The following ZNF385D variants were observed in gnomAD, a reference collection of about 807,000 sequenced individuals.
ZNF385D encodes zinc finger protein 659.
In ZNF385D, 15 loss-of-function variants were observed where a neutral mutation model predicts 35.8. The ratio of observed to expected loss-of-function variants is 0.42; its 90% CI spans 0.28 to 0.64. ZNF385D has a LOEUF of 0.64. ZNF385D is among the 30% of genes least tolerant of loss of function. ZNF385D has a pLI of 0.23. For synonymous variants in ZNF385D, 212 were observed against 186.8 expected (o/e 1.13, Z -1.10); for missense variants, 474 against 494.6 (o/e 0.96, Z 0.39).
intron 2 of ZNF385D, among the ~76,000 whole-genome samples, chr3:22,371,491 C>G (rs1696903039): frequency 6.6e-6 from 1 of 152,202 alleles, no homozygotes; most frequent in African/African-American, 2.4e-5. Context: ...CGTTTGAAAT[C>G]ACAGACCAGC....
At chr3:21,717,410 G>A (rs1355041876) in intron 1 of ZNF385D, among the ~76,000 whole-genome samples, 2 of 152,154 alleles carry the variant, frequency 1.3e-5, no homozygotes, top group East Asian at 1.9e-4. Flanking sequence ...AATCCCTTGT[G>A]ATGACTTTCT....
chr3:22,093,312 A>G (rs1363865878), intron 3 of ZNF385D, among the ~76,000 whole-genome samples: 2 of 151,918 alleles, frequency 1.3e-5, no homozygotes, highest in East Asian at 3.8e-4. Context: ...ATGCGCATTG[A>G]CCTAGACATT....
At chr3:22,020,765 C>A (rs1330246073) in intron 3 of ZNF385D, among the ~76,000 whole-genome samples, 3 of 151,844 alleles carry the variant, frequency 2.0e-5, no homozygotes, top group East Asian at 1.9e-4. Flanking sequence ...TCCAGCAATC[C>A]CACTACTGGG....
chr3:21,568,532 G>A (rs1047187248), intron 2 of ZNF385D, among the ~76,000 whole-genome samples: 9 of 152,228 alleles, frequency 5.9e-5, no homozygotes, highest in Admixed American at 2.0e-4. Context: ...TACAAAATCT[G>A]CCTCACACAA....
intron 3 of ZNF385D, among the ~76,000 whole-genome samples, chr3:21,947,522 T>C (rs898522942): frequency 2.6e-5 from 4 of 152,066 alleles, no homozygotes; most frequent in African/African-American, 9.7e-5. Flanking sequence ...GGCTAATTTT[T>C]TGTACTTTTA....
At chr3:21,931,715 G>C (rs1701016783) in intron 3 of ZNF385D, among the ~76,000 whole-genome samples, 1 of 152,152 alleles carries the variant, frequency 6.6e-6, no homozygotes, top group African/African-American at 2.4e-5. Flanking sequence ...GACTACAAGA[G>C]ACAAGAGGGG....
chr3:21,694,201 G>A (rs60410173), intron 1 of ZNF385D, among the ~76,000 whole-genome samples: 11 of 151,486 alleles, frequency 7.3e-5, no homozygotes, highest in Non-Finnish European at 1.6e-4. Context: ...CCGCCACCAC[G>A]CCCGGCTAAT....
intron 2 of ZNF385D, among the ~76,000 whole-genome samples, chr3:22,195,969 T>A (rs2125233879): frequency 6.6e-6 from 1 of 152,098 alleles, no homozygotes. Context: ...GTGACCTAAA[T>A]GATGATAACA....
At chr3:21,724,988 G>C (rs1326891183) in intron 1 of ZNF385D, among the ~76,000 whole-genome samples, 3 of 152,160 alleles carry the variant, frequency 2.0e-5, no homozygotes, top group Non-Finnish European at 4.4e-5. Flanking sequence ...CAGTCTCTCA[G>C]ACCACAGTGC....
At chr3:22,115,855 T>C (rs1702782957) in intron 3 of ZNF385D, among the ~76,000 whole-genome samples, 1 of 152,082 alleles carries the variant, frequency 6.6e-6, no homozygotes, top group African/African-American at 2.4e-5. Context: ...AGGTTTTTGT[T>C]TCCTTAAAAT....
At chr3:21,742,635 T>C (rs1164437138) in intron 1 of ZNF385D, among the ~76,000 whole-genome samples, 1 of 152,182 alleles carries the variant, frequency 6.6e-6, no homozygotes, top group Non-Finnish European at 1.5e-5. Flanking sequence ...TTTCTGTCTC[T>C]CTCTGAGTGT....
chr3:21,620,203 G>C (rs1462068941), intron 2 of ZNF385D, among the ~76,000 whole-genome samples: 4 of 152,278 alleles, frequency 2.6e-5, no homozygotes, highest in African/African-American at 7.2e-5. Flanking sequence ...TGGCTGCTTT[G>C]TATTTTAAAT....
intron 2 of ZNF385D, among the ~76,000 whole-genome samples, chr3:22,258,805 T>C (rs1266411933): frequency 6.6e-6 from 1 of 151,828 alleles, no homozygotes; most frequent in South Asian, 2.1e-4. Flanking sequence ...AAAATACTTA[T>C]ATTTTCCAAA....
chr3:21,855,602 G>C (rs187321529), intron 3 of ZNF385D, among the ~76,000 whole-genome samples: 1 of 152,070 alleles, frequency 6.6e-6, no homozygotes, highest in East Asian at 1.9e-4. Context: ...AATCAGAAAA[G>C]ATCATCCAAA....
At chr3:21,836,659 T>C (rs1209231560) in intron 3 of ZNF385D, among the ~76,000 whole-genome samples, 1 of 152,148 alleles carries the variant, frequency 6.6e-6, no homozygotes, top group Non-Finnish European at 1.5e-5. Flanking sequence ...AACCATAGTA[T>C]GTAAACGAAG....
chr3:22,178,902 T>C (rs965883651), intron 2 of ZNF385D, among the ~76,000 whole-genome samples: 7 of 152,178 alleles, frequency 4.6e-5, no homozygotes, highest in African/African-American at 1.4e-4. Context: ...TGTAGATATG[T>C]GGCATTATTT....
Position 21,750,992 on chromosome 3 carries a change from C to A in ZNF385D, c.-76G>T, listed in dbSNP as rs1315998091. The A allele has an allele frequency of 1.2e-6, 2 of 1,611,984 alleles. No homozygotes were observed. Among genetic ancestry groups the A allele is most frequent in the Non-Finnish European group, 1.7e-6 (2 of 1,179,304 alleles). ...CCAAGGCTGGCACGTAGAGCAGAGCCCTTTCATGCTACATTCGGTGGAAAT... is the reference window on the plus strand; with the variant it reads ...CCAAGGCTGGCACGTAGAGCAGAGCACTTTCATGCTACATTCGGTGGAAAT... On this transcript the variant is annotated 5_prime_UTR_variant, in exon 1 of 8. Transcript: ENST00000281523.
At chr3:22,050,312 T>G (rs779883438) in intron 3 of ZNF385D, among the ~76,000 whole-genome samples, 1 of 151,738 alleles carries the variant, frequency 6.6e-6, no homozygotes, top group Admixed American at 6.6e-5. Context: ...CAGTGAAGCA[T>G]GATTGTGCCA....
At chr3:22,330,776 T>C (rs1408738882) in intron 2 of ZNF385D, among the ~76,000 whole-genome samples, 2 of 152,212 alleles carry the variant, frequency 1.3e-5, no homozygotes, top group Admixed American at 1.3e-4. Context: ...ATTGAATAAA[T>C]GGAGAACTCT....
Sources: gnomAD v4.1 joint callset for allele counts (sites outside exome capture counted in the v4.1 genomes callset) on GRCh38, gnomAD v4.1.1 for gene constraint, MANE v1.5 for transcripts, NCBI Gene and HGNC (gene_info 2026-07-23, HGNC 2026-07-21) for gene names.